CTSD: variants seen among roughly 807,000 people sequenced by gnomAD.
The protein encoded by CTSD is ceroid-lipofuscinosis, neuronal 10.
A neutral mutation model predicts 43.6 loss-of-function variants in CTSD; 28 were observed. The ratio of observed to expected loss-of-function variants is 0.64; its 90% CI spans 0.48 to 0.88. The LOEUF is 0.88. Among genes scored for constraint, CTSD ranks in the 40% least tolerant of loss-of-function variants. The pLI, the probability that CTSD is intolerant of heterozygous loss-of-function variation, is 0.00. For missense variants in CTSD, 485 were observed against 555.2 expected (o/e 0.87, Z 1.27); for synonymous variants, 270 against 249.8 (o/e 1.08, Z -0.76).
intron 4 of CTSD, chr11:1,758,124 G>A (rs1462565339): frequency 5.1e-6 from 1 of 194,706 alleles, no homozygotes; most frequent in Non-Finnish European, 1.1e-5. Context: ...AGGGCAGACG[G>A]GGCAATTTCC....
rs374866773 is a variant in CTSD, at chr11:1,755,806, T to C, written c.705-778A>G. ...CCTGACCCAGTCCTCCCAACACCGA[T>C]TGGGGCCTCCGCCCTCCTCCAGCCT... On this transcript the variant is annotated intron_variant, in intron 5 of 8. Coordinates refer to ENST00000236671, the MANE Select transcript of CTSD (RefSeq NM_001909.5). 7.0e-4 allele frequency among the ~76,000 whole-genome samples: 107 copies of C among 152,230 alleles called. No individual in the cohort carries two copies. The East Asian group carries it at 0.01, about 14-fold the overall frequency.
intron 1 of CTSD, 83 bp from the exon 2 acceptor site, chr11:1,761,551 G>T: frequency 1.3e-6 from 2 of 1,483,964 alleles, no homozygotes; most frequent in South Asian, 1.2e-5. Flanking sequence ...CCACCTGGAG[G>T]CCCCTGGGGA....
At chr11:1,756,316 C>A (rs1192176857) in intron 5 of CTSD, among the ~76,000 whole-genome samples, 1 of 152,222 alleles carries the variant, frequency 6.6e-6, no homozygotes, top group Non-Finnish European at 1.5e-5. Flanking sequence ...GGGGAAATGG[C>A]CCAGCCGGTT....
In CTSD at chr11:1,757,972, C is replaced by A. The variant is rs557521330; in HGVS notation, c.472-416G>T. 7.4e-5 allele frequency: 22 copies of A among 298,686 alleles called. No individual in the cohort carries two copies. The East Asian group carries it at 2.0e-3, about 27-fold the overall frequency. 18.5% of individuals were successfully genotyped at this position (298,686 alleles called of 1,614,324 possible). A position where few individuals can be genotyped will look rare whatever the true frequency, so the allele number is the denominator to read the frequency against. On this transcript the variant is annotated intron_variant, in intron 4 of 8. Coordinates refer to ENST00000236671, the MANE Select transcript of CTSD (RefSeq NM_001909.5). ...ACCCCATCCCAAGCTCACAGCCATA[C>A]TGCCCCCTTCCCCTTCTCTGCCTGT...
intron 7 of CTSD, 39 bp from the exon 8 acceptor site, chr11:1,753,940 G>A: frequency 6.2e-7 from 1 of 1,611,952 alleles, no homozygotes; most frequent in Non-Finnish European, 8.5e-7. Context: ...GGTAGTGGTG[G>A]CCTTGGGGCT....
At chr11:1,761,084 C>T in intron 2 of CTSD, 1 of 577,036 alleles carries the variant, frequency 1.7e-6, no homozygotes, top group Non-Finnish European at 3.1e-6. Context: ...TCCCAATCAC[C>T]CTCCCAGGCC....
intron 4 of CTSD, 81 bp downstream of exon 4, chr11:1,758,888 C>T: frequency 1.9e-6 from 2 of 1,050,990 alleles, no homozygotes; most frequent in Non-Finnish European, 3.0e-6. Flanking sequence ...CCGAGCCCTC[C>T]CTTTCAACCA....
chr11:1,760,771 G>A (rs1481536186), intron 2 of CTSD: 11 of 172,082 alleles, frequency 6.4e-5, no homozygotes, highest in Admixed American at 5.0e-4. Flanking sequence ...CCAGAGCCCC[G>A]AGGCTGGACA....
At chr11:1,759,968 G>A (rs1590907839) in intron 2 of CTSD, among the ~76,000 whole-genome samples, 5 of 152,330 alleles carry the variant, frequency 3.3e-5, no homozygotes, top group African/African-American at 1.2e-4. Flanking sequence ...GGGGACAGAC[G>A]TGGCCCTCAG....
At chr11:1,755,116 C>G in intron 5 of CTSD, 88 bp from the exon 6 acceptor site, 1 of 1,515,392 alleles carries the variant, frequency 6.6e-7, no homozygotes, top group South Asian at 1.1e-5. Context: ...ATGTGGCAAT[C>G]AGGGAGAGCT....
chr11:1,754,192 G>A (rs776431760), intron 6 of CTSD, 54 bp from the exon 7 acceptor site: 6 of 1,577,238 alleles, frequency 3.8e-6, no homozygotes, highest in Non-Finnish European at 5.2e-6. Flanking sequence ...TGCCCTGGGG[G>A]CCCAGTGCCC....
At chr11:1,761,819 C>A (rs150432742) in intron 1 of CTSD, 2 of 395,864 alleles carry the variant, frequency 5.1e-6, no homozygotes, top group Non-Finnish European at 9.7e-6. Flanking sequence ...TCTGCACCTG[C>A]GCTGGTCTCT....
Position 1,757,331 on chromosome 11 carries a change from G to A in CTSD, c.697C>T (p.Leu233=), listed in dbSNP as rs142330967. Residue 233 remains leucine (L), a synonymous_variant, in exon 5 of 9, where the codon CTG becomes TTG. Transcript: ENST00000236671. The stretch of plus-strand genomic sequence containing the variant: ...GGGAACCCACACGCCCACCTGCTCA[G>A]GTAGAAGGAGAAGATGTTCTGGTCC... ...LVDQNIFSFY[L]SRDPDAQPGG... is the part of the protein sequence containing the mutation. The A allele has an allele frequency of 4.6e-5, 75 of 1,613,426 alleles. No individual in the cohort carries two copies. In the African/African-American group the frequency reaches 8.7e-4, roughly 19 times the overall value.
Position 1,757,683 on chromosome 11 carries a change from GAAGA to G in CTSD, c.472-131_472-128del. 7.4e-6 allele frequency: 6 copies of G among 812,430 alleles called. No individual in the cohort carries two copies. The East Asian group carries it at 8.0e-5, about 11-fold the overall frequency. The allele number at this position is 812,430 out of a possible 1,614,324, so 50.3% of individuals were successfully genotyped here. On this transcript the variant is annotated intron_variant, in intron 4 of 8. Transcript: ENST00000236671. ...CACACGATGGGGCCCAGAGGGCCCAGAAGAAAGGGCTGGAAACCCTGAGCTGAAC... is the reference window on the plus strand; with the variant it reads ...CACACGATGGGGCCCAGAGGGCCCAGAAGGGCTGGAAACCCTGAGCTGAAC...
At chr11:1,758,727 C>G (rs1026907097) in intron 4 of CTSD, among the ~76,000 whole-genome samples, 2 of 152,194 alleles carry the variant, frequency 1.3e-5, no homozygotes, top group Non-Finnish European at 2.9e-5. Context: ...CCCTCCCACT[C>G]ATTGTGGCCT....
intron 1 of CTSD, chr11:1,761,685 T>A: frequency 1.6e-6 from 1 of 617,820 alleles, no homozygotes; most frequent in East Asian, 2.9e-5. Flanking sequence ...GCCACAGTCC[T>A]AAGAAGTGGT....
chr11:1,758,954 C>G lies in CTSD; in HGVS notation c.471+15G>C, dbSNP rs201413619. 2.5e-4 allele frequency: 389 copies of G among 1,565,766 alleles called. No homozygotes were observed. The highest frequency in any genetic ancestry group is 3.3e-4 in the Non-Finnish European group (379 of 1,136,386). On this transcript the variant is annotated intron_variant, in intron 4 of 8. Coordinates refer to ENST00000236671, the MANE Select transcript of CTSD (RefSeq NM_001909.5). ...GGCACCCTCGAGTCCTGGGAAAGGC[C>G]CCAGAGGGACTCACCGACACAGTGT...
At chr11:1,760,696 G>C in intron 2 of CTSD, 1 of 158,566 alleles carries the variant, frequency 6.3e-6, no homozygotes, top group East Asian at 1.9e-4. Flanking sequence ...TGTGAGTCTT[G>C]GGCTTCCTGT....
At chr11:1,756,995 G>A (rs779923360) in intron 5 of CTSD, among the ~76,000 whole-genome samples, 6 of 152,180 alleles carry the variant, frequency 3.9e-5, no homozygotes, top group Non-Finnish European at 7.3e-5. Context: ...CCGACGGGCC[G>A]ACTGAACCAA....
Sources: allele counts gnomAD v4.1 joint callset (sites outside exome capture counted in the v4.1 genomes callset), GRCh38; gene constraint gnomAD v4.1.1; transcripts MANE v1.5; gene names NCBI Gene and HGNC (gene_info 2026-07-23, HGNC 2026-07-21).